The following PRELID2 variants were observed in gnomAD, a reference collection of about 807,000 sequenced individuals.
The protein encoded by PRELID2 is PRELI domain containing 2.
In PRELID2, 25 loss-of-function variants were observed where a neutral mutation model predicts 28.4. The ratio of observed to expected loss-of-function variants is 0.88; its 90% CI spans 0.64 to 1.23. The LOEUF is 1.23. Ranked by LOEUF, PRELID2 falls within the 50% of genes most tolerant of loss-of-function variation. The probability of loss-of-function intolerance (pLI) is 0.00; values close to 1 mark genes in which losing one functional copy is unlikely to be tolerated. For missense variants in PRELID2, 201 were observed against 214.4 expected (o/e 0.94, Z 0.39); for synonymous variants, 76 against 71.6 (o/e 1.06, Z -0.31).
chr5:145,631,615 C>T (rs897023289), intron 1 of PRELID2, among the ~76,000 whole-genome samples: 2 of 152,190 alleles, frequency 1.3e-5, no homozygotes, highest in African/African-American at 4.8e-5. Context: ...GTTTTATTCA[C>T]TGACACATCC....
chr5:145,564,229 T>G (rs66855880), intron 1 of PRELID2, among the ~76,000 whole-genome samples: 31,213 of 152,122 alleles, frequency 0.21, 3,311 homozygotes, highest in African/African-American at 0.24. Flanking sequence ...GCATCAAGGA[T>G]CAGCAAACAT....
the PRELID2 span, among the ~76,000 whole-genome samples, chr5:145,238,824 C>T: frequency 4.6e-5 from 7 of 152,046 alleles, no homozygotes; most frequent in African/African-American, 1.7e-4. Context: ...AAAGCCTACA[C>T]AAAACTACTT....
the PRELID2 span, among the ~76,000 whole-genome samples, chr5:145,334,667 G>T: frequency 2.0e-5 from 3 of 151,910 alleles, no homozygotes; most frequent in African/African-American, 7.3e-5. Context: ...TGTAAGGAAG[G>T]TCTAGTGATG....
At chr5:145,642,942 G>C (rs762009328) in intron 1 of PRELID2, among the ~76,000 whole-genome samples, 4 of 152,176 alleles carry the variant, frequency 2.6e-5, no homozygotes, top group Non-Finnish European at 4.4e-5. Flanking sequence ...TTTGAAGCAA[G>C]GTAGCATGAT....
At chr5:145,418,691 C>A in the PRELID2 span, among the ~76,000 whole-genome samples, 1 of 151,900 alleles carries the variant, frequency 6.6e-6, no homozygotes, top group African/African-American at 2.4e-5. Context: ...TAGCCATATG[C>A]AGAAAACTGA....
the PRELID2 span, among the ~76,000 whole-genome samples, chr5:145,295,250 G>T: frequency 2.2e-3 from 336 of 152,148 alleles, 2 homozygotes; most frequent in African/African-American, 7.8e-3. Flanking sequence ...TGCCTCTGAT[G>T]AAAAATTTAT....
intron 1 of PRELID2, among the ~76,000 whole-genome samples, chr5:145,614,167 C>T (rs978929312): frequency 2.6e-5 from 4 of 152,198 alleles, no homozygotes; most frequent in African/African-American, 7.2e-5. Context: ...TATTCTGTTC[C>T]ACTGGTCTTT....
At chr5:145,579,479 T>C (rs965079562) in intron 1 of PRELID2, among the ~76,000 whole-genome samples, 4 of 152,062 alleles carry the variant, frequency 2.6e-5, no homozygotes, top group Non-Finnish European at 5.9e-5. Context: ...TTCTGGCCCA[T>C]TGAAGTTTAA....
chr5:145,310,105 G>T, the PRELID2 span, among the ~76,000 whole-genome samples: 1 of 152,200 alleles, frequency 6.6e-6, no homozygotes, highest in Non-Finnish European at 1.5e-5. Flanking sequence ...AAGACCACAA[G>T]AATCCTGCCT....
chr5:145,717,751 A>G (rs1054738537), intron 1 of PRELID2, among the ~76,000 whole-genome samples: 3 of 151,508 alleles, frequency 2.0e-5, no homozygotes, highest in Non-Finnish European at 1.5e-5. Context: ...ATAAATTAAA[A>G]TCAAGTAAGT....
rs1332636292 is a variant in PRELID2, at chr5:145,758,344, AG to A, written c.*2191del. ...CTACAAAGATCCTTTCCAACCACAGAGATATTAAGAAAAAAATTAAATATTG... is the reference window on the plus strand; with the variant it reads ...CTACAAAGATCCTTTCCAACCACAGAATATTAAGAAAAAAATTAAATATTG... On this transcript the variant is annotated 3_prime_UTR_variant, in exon 7 of 7. Transcript: ENST00000683046. Among the ~76,000 whole-genome samples, 1 of 152,144 alleles carries A rather than the reference AG, an allele frequency of 6.6e-6. No individual in the cohort carries two copies. Among genetic ancestry groups the A allele is most frequent in the African/African-American group, 2.4e-5 (1 of 41,434 alleles).
chr5:145,585,567 G>A (rs13356403), intron 1 of PRELID2, among the ~76,000 whole-genome samples: 2,498 of 152,172 alleles, frequency 0.016, 79 homozygotes, highest in African/African-American at 0.057. Context: ...GAAAAGTTGA[G>A]TATAATAATC....
chr5:145,489,255 T>A (rs1752247158), intron 1 of PRELID2, among the ~76,000 whole-genome samples: 1 of 152,330 alleles, frequency 6.6e-6, no homozygotes, highest in East Asian at 1.9e-4. Flanking sequence ...AACTAAAGGA[T>A]TCCACCGGAT....
At chr5:145,625,254 C>T (rs976601037) in intron 1 of PRELID2, among the ~76,000 whole-genome samples, 7 of 152,116 alleles carry the variant, frequency 4.6e-5, no homozygotes, top group African/African-American at 1.7e-4. Context: ...TTGTCCAGAA[C>T]ACATGTACAA....
intron 1 of PRELID2, among the ~76,000 whole-genome samples, chr5:145,549,999 G>A (rs761682306): frequency 6.6e-5 from 10 of 152,132 alleles, no homozygotes; most frequent in Non-Finnish European, 1.5e-4. Context: ...ATTGAGGAGG[G>A]TGGGAAGGCA....
chr5:145,786,368 A>C (rs1451664990), intron 5 of PRELID2, among the ~76,000 whole-genome samples: 2 of 152,200 alleles, frequency 1.3e-5, no homozygotes, highest in East Asian at 1.9e-4. Context: ...CACTTCAATT[A>C]GTTTATAAAA....
the PRELID2 span, among the ~76,000 whole-genome samples, chr5:145,360,679 G>A: frequency 1.5e-4 from 23 of 152,116 alleles, no homozygotes; most frequent in Admixed American, 6.5e-5. Flanking sequence ...AAAACCAAGG[G>A]ATCCATTAGA....
At chr5:145,446,320 A>G in the PRELID2 span, among the ~76,000 whole-genome samples, 8 of 152,104 alleles carry the variant, frequency 5.3e-5, no homozygotes, top group Non-Finnish European at 1.2e-4. Flanking sequence ...AGTTTGAAAT[A>G]AGAGCTATAA....
At chr5:145,785,885 G>T (rs1166361041) in intron 5 of PRELID2, among the ~76,000 whole-genome samples, 1 of 152,170 alleles carries the variant, frequency 6.6e-6, no homozygotes, top group Non-Finnish European at 1.5e-5. Flanking sequence ...TATATCAGAA[G>T]ATTCTGGTTA....
Sources: allele counts gnomAD v4.1 joint callset (sites outside exome capture counted in the v4.1 genomes callset), GRCh38; gene constraint gnomAD v4.1.1; transcripts MANE v1.5; gene names NCBI Gene and HGNC (gene_info 2026-07-23, HGNC 2026-07-21).